The following CLASP1 variants were observed in gnomAD, a reference collection of about 807,000 sequenced individuals.
CLASP1 encodes the protein cytoplasmic linker associated protein 1, also known as CLIP-associating protein 1.
In CLASP1, 38 loss-of-function variants were observed where a neutral mutation model predicts 192.3. That is an observed-to-expected ratio of 0.20 (90% CI 0.15 to 0.26). The LOEUF (loss-of-function observed/expected upper bound fraction) is 0.26, where lower values mean the gene tolerates loss of function less well. Among genes scored for constraint, CLASP1 ranks in the 10% least tolerant of loss-of-function variants. CLASP1 has a pLI of 1.00. For missense variants in CLASP1, 1,433 were observed against 1,932.5 expected (o/e 0.74, Z 4.85); for synonymous variants, 691 against 712.8 (o/e 0.97, Z 0.49).
chr2:121,611,745 GGAGA>G (rs2065567138), intron 1 of CLASP1, among the ~76,000 whole-genome samples: 2 of 146,440 alleles, frequency 1.4e-5, no homozygotes, highest in Non-Finnish European at 1.5e-5. Context: ...AGGAGTTACA[GGAGA>G]AAGAGGAACT....
At chr2:121,572,498 TG>T (rs1196415139) in intron 2 of CLASP1, among the ~76,000 whole-genome samples, 3 of 151,896 alleles carry the variant, frequency 2.0e-5, no homozygotes, top group Non-Finnish European at 4.4e-5. Flanking sequence ...TTCTTAAGGG[TG>T]GGGGGGACAA....
intron 34 of CLASP1, among the ~76,000 whole-genome samples, chr2:121,370,988 C>T (rs752990004): frequency 2.6e-5 from 4 of 152,110 alleles, no homozygotes; most frequent in African/African-American, 9.7e-5. Flanking sequence ...CAGGAACTGA[C>T]GGAAAAGCAC....
exon 37 of CLASP1, chr2:121,363,273 C>T (rs2066752078): frequency 6.2e-7 from 1 of 1,613,868 alleles, no homozygotes. Context: ...TCCCTCAAAA[C>T]TCTTAACGCC....
intron 8 of CLASP1, among the ~76,000 whole-genome samples, chr2:121,492,843 G>C (rs1029529311): frequency 6.6e-6 from 1 of 152,024 alleles, no homozygotes; most frequent in African/African-American, 2.4e-5. Context: ...ACACTCAAAA[G>C]AACTGAAAAC....
At chr2:121,529,464 C>T (rs2094689610) in intron 3 of CLASP1, among the ~76,000 whole-genome samples, 6 of 152,158 alleles carry the variant, frequency 3.9e-5, no homozygotes, top group Admixed American at 3.9e-4. Flanking sequence ...ACAGTCGGTG[C>T]TCATGACCTT....
chr2:121,384,130 A>G (rs1237023725), intron 32 of CLASP1, among the ~76,000 whole-genome samples: 2 of 139,100 alleles, frequency 1.4e-5, no homozygotes, highest in African/African-American at 5.2e-5. Flanking sequence ...ACACACATAT[A>G]TATGTATATA....
intron 2 of CLASP1, among the ~76,000 whole-genome samples, chr2:121,599,964 G>A (rs1463459777): frequency 6.7e-6 from 1 of 149,766 alleles, no homozygotes; most frequent in East Asian, 1.9e-4. Flanking sequence ...TCAAAGTTTT[G>A]TTTAATATAA....
At chr2:121,530,111 G>C in intron 3 of CLASP1, 136 bp downstream of exon 3, 1 of 710,796 alleles carries the variant, frequency 1.4e-6, no homozygotes, top group Non-Finnish European at 2.3e-6. Context: ...CTGGCTGTTT[G>C]GGAGGAGCGG....
In CLASP1 at chr2:121,407,968, A is replaced by C. The variant is rs185295381; in HGVS notation, c.2425-253T>G. The C allele has an allele frequency of 1.9e-5, 11 of 573,106 alleles. No individual in the cohort carries two copies. The East Asian group carries it at 3.8e-4, about 20-fold the overall frequency. The allele number at this position is 573,106 out of a possible 1,614,324, so 35.5% of individuals were successfully genotyped here. A position where few individuals can be genotyped will look rare whatever the true frequency, so the allele number is the denominator to read the frequency against. On this transcript the variant is annotated intron_variant, in intron 24 of 39. Transcript: ENST00000263710. ...TAGTAAAGTGCGTAGACTTTACAGG[A>C]AGACAGACAGATCACAACCTTGGTG...
chr2:121,435,400 G>A (rs567629390), intron 19 of CLASP1, among the ~76,000 whole-genome samples: 10 of 151,944 alleles, frequency 6.6e-5, no homozygotes, highest in East Asian at 1.9e-4. Flanking sequence ...TCAGCCTCCC[G>A]AGTAGCTGGG....
At chr2:121,486,028 G>C (rs771522857) in intron 8 of CLASP1, among the ~76,000 whole-genome samples, 1 of 152,204 alleles carries the variant, frequency 6.6e-6, no homozygotes, top group Middle Eastern at 3.2e-3. Flanking sequence ...CATGAGGAAA[G>C]TGAAGTGCAT....
rs1166727194 is a variant in CLASP1 at position 121,553,753 on chromosome 2, T to A, written c.196-23428A>T. 2.0e-5 allele frequency among the ~76,000 whole-genome samples: 3 copies of A among 152,134 alleles called. No individual in the cohort carries two copies. In the East Asian group the frequency reaches 5.8e-4, roughly 29 times the overall value. On this transcript the variant is annotated intron_variant, in intron 2 of 39. Transcript: ENST00000263710. ...TAAAAATGTATGGTCACATAAAGATTTGTATCTTTAATTATTCATCATTAA... is the reference window on the plus strand; with the variant it reads ...TAAAAATGTATGGTCACATAAAGATATGTATCTTTAATTATTCATCATTAA...
At chr2:121,403,648 C>T in intron 26 of CLASP1, 2 of 439,680 alleles carry the variant, frequency 4.5e-6, no homozygotes, top group South Asian at 3.3e-5. Flanking sequence ...GGGCCTTCTC[C>T]CTAACAATAG....
At chr2:121,417,686 G>A (rs2078831317) in intron 23 of CLASP1, among the ~76,000 whole-genome samples, 1 of 152,178 alleles carries the variant, frequency 6.6e-6, no homozygotes, top group Non-Finnish European at 1.5e-5. Flanking sequence ...AGGACAATGG[G>A]TCATAAAGAA....
At chr2:121,494,648 C>T (rs1234653118) in intron 8 of CLASP1, among the ~76,000 whole-genome samples, 1 of 152,088 alleles carries the variant, frequency 6.6e-6, no homozygotes, top group Non-Finnish European at 1.5e-5. Flanking sequence ...TTGATGGATA[C>T]CCTACTTACC....
At chr2:121,531,008 A>T (rs893429850) in intron 2 of CLASP1, 1 of 700,230 alleles carries the variant, frequency 1.4e-6, no homozygotes, top group Non-Finnish European at 2.6e-6. Flanking sequence ...TTTTGGAAAA[A>T]TGAAAACCTG....
At chr2:121,457,146 T>C (rs1184713943) in intron 14 of CLASP1, among the ~76,000 whole-genome samples, 9 of 152,160 alleles carry the variant, frequency 5.9e-5, no homozygotes, top group Admixed American at 5.9e-4. Flanking sequence ...ACCCAGGTTG[T>C]ATTTGCCTGT....
intron 32 of CLASP1, among the ~76,000 whole-genome samples, chr2:121,384,837 T>C (rs1211539318): frequency 6.6e-6 from 1 of 152,174 alleles, no homozygotes; most frequent in Admixed American, 6.5e-5. Context: ...GCAGAGATCA[T>C]GCCACTGCAC....
At chr2:121,362,727 C>T (rs2066658625) in intron 37 of CLASP1, among the ~76,000 whole-genome samples, 1 of 152,174 alleles carries the variant, frequency 6.6e-6, no homozygotes, top group African/African-American at 2.4e-5. Flanking sequence ...CACAAGGAAA[C>T]GGAGGCTCAG....
Sources: allele counts gnomAD v4.1 joint callset (sites outside exome capture counted in the v4.1 genomes callset), GRCh38; gene constraint gnomAD v4.1.1; transcripts MANE v1.5; gene names NCBI Gene and HGNC (gene_info 2026-07-23, HGNC 2026-07-21).